TNKS: variants seen among roughly 807,000 people sequenced by gnomAD.
TNKS encodes tankyrase, also known as poly [ADP-ribose] polymerase tankyrase-1.
Under a neutral mutation model 135.8 loss-of-function variants are expected in TNKS, and 72 were observed. That is an observed-to-expected ratio of 0.53 (90% CI 0.44 to 0.64). The LOEUF (loss-of-function observed/expected upper bound fraction) is 0.64, where lower values mean the gene tolerates loss of function less well. TNKS is among the 30% of genes least tolerant of loss of function. TNKS has a pLI of 0.00. For missense variants in TNKS, 1,769 were observed against 1,674.0 expected (o/e 1.06, Z -0.99); for synonymous variants, 849 against 649.3 (o/e 1.31, Z -4.68).
rs1044204374 is a variant in TNKS, at chr8:9,780,525, A to G, written c.*3789A>G. On this transcript the variant is annotated 3_prime_UTR_variant, in exon 27 of 27. Coordinates refer to ENST00000310430, the MANE Select transcript of TNKS (RefSeq NM_003747.3). ...TAATTGTGAAAGTGATGTTTGAGCT[A>G]TTGTACACATCTAGCATATGGAAAG... is the stretch of plus-strand genomic sequence containing the variant. The G allele has an allele frequency of 3.9e-5, 6 of 152,226 alleles. No individual in the cohort carries two copies. Among genetic ancestry groups the G allele is most frequent in the African/African-American group, 9.6e-5 (4 of 41,458 alleles). 9.4% of individuals were successfully genotyped at this position (152,226 alleles called of 1,614,324 possible).
chr8:9,568,376 G>A (rs1020705627), intron 1 of TNKS, among the ~76,000 whole-genome samples: 17 of 152,078 alleles, frequency 1.1e-4, no homozygotes, highest in Non-Finnish European at 1.8e-4. Context: ...TAAAAATGCA[G>A]TGTTTCTCAA....
At chr8:9,697,631 T>C (rs575535642) in intron 5 of TNKS, among the ~76,000 whole-genome samples, 6 of 152,226 alleles carry the variant, frequency 3.9e-5, no homozygotes, top group African/African-American at 9.6e-5. Flanking sequence ...GCAAAGGACA[T>C]GAACAGACAT....
intron 17 of TNKS, among the ~76,000 whole-genome samples, chr8:9,740,113 A>C (rs1346095520): frequency 6.6e-6 from 1 of 151,464 alleles, no homozygotes; most frequent in African/African-American, 2.4e-5. Flanking sequence ...AAACACTGTC[A>C]TCAGTTGTAA....
chr8:9,698,567 C>T (rs531306567), intron 5 of TNKS, among the ~76,000 whole-genome samples: 2 of 152,104 alleles, frequency 1.3e-5, no homozygotes, highest in South Asian at 2.1e-4. Context: ...GAAGCCCGGA[C>T]GCAGAGACGT....
Position 9,766,284 on chromosome 8 carries a change from G to A in TNKS, c.3599G>A (p.Arg1200Gln), listed in dbSNP as rs762718942. The A allele has an allele frequency of 1.2e-6, 2 of 1,613,464 alleles. No homozygotes were observed. The highest frequency in any genetic ancestry group is 1.1e-5 in the South Asian group (1 of 91,008). Residue 1200 changes from arginine (R) to glutamine (Q), a missense_variant, in exon 25 of 27, where the codon CGA (arginine) becomes CAA (glutamine). By Grantham distance (43) the Arg-to-Gln change is conservative. Coordinates refer to ENST00000310430, the MANE Select transcript of TNKS (RefSeq NM_003747.3). ...ATTATTCATAAAGGGTTTGATGAGC[G>A]ACATGCATACATAGGAGGAATGTTT... is the stretch of plus-strand genomic sequence containing the variant. ...NAIIHKGFDE[R>Q]HAYIGGMFGA...
intron 1 of TNKS, chr8:9,557,665 C>T (rs1290624964): frequency 6.6e-6 from 1 of 151,962 alleles, no homozygotes; most frequent in Non-Finnish European, 1.5e-5. Flanking sequence ...TCAGAGATAA[C>T]ACACCAGAGA....
intron 2 of TNKS, among the ~76,000 whole-genome samples, chr8:9,609,256 CATT>C (rs1026928778): frequency 6.6e-6 from 1 of 152,138 alleles, no homozygotes; most frequent in African/African-American, 2.4e-5. Flanking sequence ...TTATGTGCCT[CATT>C]ATCTTGGCTG....
chr8:9,665,303 G>T (rs1801935394), intron 3 of TNKS, among the ~76,000 whole-genome samples: 1 of 152,200 alleles, frequency 6.6e-6, no homozygotes, highest in Non-Finnish European at 1.5e-5. Context: ...GACTGTTTTT[G>T]AGGGGAGAAG....
intron 3 of TNKS, among the ~76,000 whole-genome samples, chr8:9,623,456 T>A (rs1799941915): frequency 6.7e-6 from 1 of 150,036 alleles, no homozygotes; most frequent in Non-Finnish European, 1.5e-5. Flanking sequence ...TTTTTTGGTT[T>A]CCTAGTGCTT....
intron 9 of TNKS, among the ~76,000 whole-genome samples, chr8:9,709,366 A>G (rs961757227): frequency 6.6e-6 from 1 of 152,194 alleles, no homozygotes; most frequent in African/African-American, 2.4e-5. Flanking sequence ...TTTTCATTTT[A>G]TTTAGTTGAA....
intron 11 of TNKS, among the ~76,000 whole-genome samples, chr8:9,712,643 A>G (rs865857545): frequency 3.4e-4 from 51 of 152,040 alleles, no homozygotes; most frequent in African/African-American, 1.1e-3. Flanking sequence ...TAATCCCAGC[A>G]CTTTGGGAGA....
intron 3 of TNKS, among the ~76,000 whole-genome samples, chr8:9,673,601 G>A (rs574086081): frequency 4.6e-4 from 70 of 151,782 alleles, no homozygotes; most frequent in African/African-American, 1.5e-3. Context: ...GTGCCACCAC[G>A]CCCAGCTAAT....
intron 2 of TNKS, among the ~76,000 whole-genome samples, chr8:9,596,372 C>A (rs1451861445): frequency 6.8e-6 from 1 of 146,734 alleles, no homozygotes; most frequent in Non-Finnish European, 1.5e-5. Flanking sequence ...GGGAGTCCTT[C>A]TTACTTCTCA....
At chr8:9,637,444 A>G (rs1270730144) in intron 3 of TNKS, among the ~76,000 whole-genome samples, 1 of 151,670 alleles carries the variant, frequency 6.6e-6, no homozygotes, top group Non-Finnish European at 1.5e-5. Flanking sequence ...AATAAAAAAT[A>G]CTCTTTTTTC....
chr8:9,707,699 T>A (rs368513521), intron 8 of TNKS, among the ~76,000 whole-genome samples: 38 of 152,312 alleles, frequency 2.5e-4, no homozygotes, highest in Non-Finnish European at 4.0e-4. Context: ...TGCAATTAAT[T>A]TAGATACAGC....
chr8:9,577,996 C>T (rs569648794), intron 1 of TNKS, among the ~76,000 whole-genome samples: 24 of 152,326 alleles, frequency 1.6e-4, no homozygotes, highest in African/African-American at 5.3e-4. Context: ...GCTCCATGGA[C>T]TTCGAAACCC....
In TNKS at chr8:9,556,808, A is replaced by C; in HGVS notation, c.673+196A>C. ...GGGCGTGGTTGGGGGGGATAAGTGAATCCAAGGAATTCTTCAGTGGTTGCA... is the reference window on the plus strand; with the variant it reads ...GGGCGTGGTTGGGGGGGATAAGTGACTCCAAGGAATTCTTCAGTGGTTGCA... On this transcript the variant is annotated intron_variant, in intron 1 of 26. Transcript: ENST00000310430. The C allele has an allele frequency of 5.3e-6, 3 of 570,902 alleles. No individual in the cohort carries two copies. The East Asian group carries it at 1.0e-4, about 19-fold the overall frequency. 35.4% of individuals were successfully genotyped at this position (570,902 alleles called of 1,614,324 possible). A position where few individuals can be genotyped will look rare whatever the true frequency, so the allele number is the denominator to read the frequency against.
intron 2 of TNKS, among the ~76,000 whole-genome samples, chr8:9,607,851 T>C (rs1197141945): frequency 6.6e-6 from 1 of 152,194 alleles, no homozygotes; most frequent in Admixed American, 6.5e-5. Flanking sequence ...GGCATTCTAA[T>C]GTGAAACACT....
intron 1 of TNKS, among the ~76,000 whole-genome samples, chr8:9,573,362 A>G (rs996286417): frequency 1.8e-4 from 27 of 152,246 alleles, no homozygotes; most frequent in African/African-American, 6.0e-4. Context: ...AGTAAGGTAT[A>G]GAAAGAGCTT....
Sources: gnomAD v4.1 joint callset for allele counts (sites outside exome capture counted in the v4.1 genomes callset) on GRCh38, gnomAD v4.1.1 for gene constraint, MANE v1.5 for transcripts, NCBI Gene and HGNC (gene_info 2026-07-23, HGNC 2026-07-21) for gene names.